SHANK1: variants seen among roughly 807,000 people sequenced by gnomAD.
SHANK1 encodes SH3 and multiple ankyrin repeat domains 1, also known as SH3 and multiple ankyrin repeat domains protein 1.
In SHANK1, 35 loss-of-function variants were observed where a neutral mutation model predicts 165.6. That is an observed-to-expected ratio of 0.21 (90% CI 0.16 to 0.28). The LOEUF (loss-of-function observed/expected upper bound fraction) is 0.28. Among genes scored for constraint, SHANK1 ranks in the 10% least tolerant of loss-of-function variants. The pLI is 1.00. For synonymous variants in SHANK1, 1,428 were observed against 1,384.8 expected, an observed-to-expected ratio of 1.03 and a Z score of -0.69; for missense variants, 2,681 against 3,036.4, an observed-to-expected ratio of 0.88 and a Z score of 2.75.
chr19:50,661,545 G>A lies in SHANK1; in HGVS notation c.*420C>T, dbSNP rs1188109923. On this transcript the variant is annotated 3_prime_UTR_variant, in exon 24 of 24. Coordinates refer to ENST00000293441, the MANE Select transcript of SHANK1 (RefSeq NM_016148.5). ...CTGAGGGGCCTGGAGAGAGTGGGAA[G>A]GGTTGTTAGAGGGGTGGCAGGTGGT... 6.6e-6 allele frequency among the ~76,000 whole-genome samples: 1 copy of A among 151,698 alleles called. No homozygotes were observed. The highest frequency in any genetic ancestry group is 2.4e-5 in the African/African-American group (1 of 41,262).
chr19:50,713,592 G>A lies in SHANK1; in HGVS notation c.792+206C>T, dbSNP rs184102613. ...GAGGCCGTGCCCGGGTCTGTGTGAT[G>A]TCAGCTATAGCCCAGGTGGGTGCAT... On this transcript the variant is annotated intron_variant, in intron 6 of 23. Coordinates refer to ENST00000293441, the MANE Select transcript of SHANK1 (RefSeq NM_016148.5). This position sits in a 1 kb window ranked among gnomAD's most constrained non-coding sequence, Gnocchi z 6.2. Among the ~76,000 whole-genome samples, 1 of 152,196 alleles carries A rather than the reference G, an allele frequency of 6.6e-6. No homozygotes were observed. Among genetic ancestry groups the A allele is most frequent in the East Asian group, 1.9e-4 (1 of 5,174 alleles).
Position 50,667,657 on chromosome 19 carries a change from C to T in SHANK1, c.4303G>A (p.Ala1435Thr). ...GAACGCCGGGCGGCGGGCGGGCTGG[C>T]GGGAAGGGACTTCTCCTGGCTGCCC... ...GLGSQEKSLP[A>T]SPPAARRSLL... The change falls in exon 23 of 24, where the codon GCC (alanine) becomes ACC (threonine). Residue 1435 changes from alanine to threonine, a missense_variant. By Grantham distance (58) the Ala-to-Thr change is moderately conservative (BLOSUM62 0). This residue lies in a region of SHANK1 where 1,713 missense variants were observed against 1,630.2 expected (regional missense o/e 1.05). Transcript: ENST00000293441. The surrounding 1 kb of genome is among the most constrained non-coding windows in gnomAD (Gnocchi z 5.7). The T allele has an allele frequency of 2.1e-6, 3 of 1,399,868 alleles. No homozygotes were observed. The highest frequency in any genetic ancestry group is 2.8e-6 in the Non-Finnish European group (3 of 1,086,452). The allele number at this position is 1,399,868 out of a possible 1,614,324, so 86.7% of individuals were successfully genotyped here. A position where few individuals can be genotyped will look rare whatever the true frequency, so the allele number is the denominator to read the frequency against.
chr19:50,706,031 C>T (rs926947831), intron 8 of SHANK1, among the ~76,000 whole-genome samples: 2 of 152,046 alleles, frequency 1.3e-5, no homozygotes, highest in Non-Finnish European at 2.9e-5. Flanking sequence ...TGGTGGCACA[C>T]GCCTGTAGTC....
intron 8 of SHANK1, among the ~76,000 whole-genome samples, chr19:50,707,881 CTTTTCTTTTCTTT>C (rs2088959306): frequency 7.7e-4 from 2 of 2,596 alleles, no homozygotes; most frequent in African/African-American, 5.7e-3. Flanking sequence ...GCGTGTTTTT[CTTTTCTTTTCTTT>C]TCTTTTCTTT....
intron 8 of SHANK1, among the ~76,000 whole-genome samples, chr19:50,708,892 A>G (rs947493777): frequency 2.0e-5 from 3 of 152,200 alleles, no homozygotes; most frequent in African/African-American, 4.8e-5. Flanking sequence ...TGAGGTGCTC[A>G]CAGCCTAGAC....
Position 50,711,384 on chromosome 19 carries a change from G to T in SHANK1, c.1064C>A (p.Ala355Asp). 1 of 1,555,660 alleles carries T rather than the reference G, an allele frequency of 6.4e-7. No homozygotes were observed. The change falls in exon 8 of 24, where the codon GCC becomes GAC. Residue 355 changes from alanine to aspartate, a missense_variant. This residue lies in a region of SHANK1 where 189 missense variants were observed against 440.9 expected (regional missense o/e 0.43). Transcript: ENST00000293441. ...TGCTAGGCAGACCTTGTTGTAGAGG[G>T]CGCAGATGTGCAGAGCCGTGTTCCC... ...ASGNTALHIC[A>D]LYNKETCARI...
chr19:50,686,292 G>A lies in SHANK1; in HGVS notation c.2522C>T (p.Pro841Leu), dbSNP rs866403402. 6.2e-7 allele frequency: 1 copy of A among 1,607,850 alleles called. No individual in the cohort carries two copies. Among genetic ancestry groups the A allele is most frequent in the Non-Finnish European group, 8.5e-7 (1 of 1,176,706 alleles). Residue 841 changes from proline (P) to leucine (L), a missense_variant, in exon 21 of 24, where the codon CCC becomes CTC. Physicochemically the swap from Pro to Leu is moderately conservative, Grantham distance 98. Around this residue, in one of 10 missense-constraint regions of SHANK1, gnomAD observed 206 missense variants for 216.0 expected, o/e 0.95. Transcript: ENST00000293441. The surrounding 1 kb of genome is among the most constrained non-coding windows in gnomAD (Gnocchi z 5.7). ...QTISASESPG[P>L]GGLASLGKHR... ...TTTGCCCAGGGACGCGAGGCCACCG[G>A]GACCAGGGCTTTCGCTTGCACTGAT...
chr19:50,695,385 G>A (rs1437439901), intron 15 of SHANK1, among the ~76,000 whole-genome samples: 1 of 146,742 alleles, frequency 6.8e-6, no homozygotes, highest in East Asian at 2.0e-4. Flanking sequence ...GGCGTCCTGC[G>A]CCGGGCGGCG....
At chr19:50,684,057 T>C (rs939015285) in intron 21 of SHANK1, among the ~76,000 whole-genome samples, 9 of 152,198 alleles carry the variant, frequency 5.9e-5, no homozygotes, top group Non-Finnish European at 1.2e-4. Context: ...TTCTTTCTGT[T>C]TCTGTACCGC....
chr19:50,712,599 G>A (rs1277080223), intron 6 of SHANK1, among the ~76,000 whole-genome samples: 1 of 152,236 alleles, frequency 6.6e-6, no homozygotes, highest in Non-Finnish European at 1.5e-5. Context: ...GCAAGGATCG[G>A]GCCGGCCTCA....
chr19:50,672,636 A>AAGG (rs1255645251), intron 21 of SHANK1, among the ~76,000 whole-genome samples: 2 of 151,600 alleles, frequency 1.3e-5, no homozygotes, highest in Non-Finnish European at 2.9e-5. Context: ...TCTGGGCAGG[A>AAGG]AGGAGAAAGA....
rs1426483972 is a variant in SHANK1, at chr19:50,662,859, T to C, written c.5769-177A>G. Among the ~76,000 whole-genome samples the C allele has an allele frequency of 1.3e-5, 2 of 148,198 alleles. No homozygotes were observed. Among genetic ancestry groups the C allele is most frequent in the African/African-American group, 5.0e-5 (2 of 39,800 alleles). On this transcript the variant is annotated intron_variant, in intron 23 of 23. Coordinates refer to ENST00000293441, the MANE Select transcript of SHANK1 (RefSeq NM_016148.5). This position sits in a 1 kb window ranked among gnomAD's most constrained non-coding sequence, Gnocchi z 7.7. ...GAGCAAGGGGTAAGACGGCCGGCCG[T>C]CGAGGAAAGAAATGAAGGGAGAGAA...
At chr19:50,675,061 CAAAAAAA>C (rs10560370) in intron 21 of SHANK1, among the ~76,000 whole-genome samples, 13 of 85,702 alleles carry the variant, frequency 1.5e-4, no homozygotes, top group African/African-American at 5.5e-4. Flanking sequence ...CACTCGGTCT[CAAAAAAA>C]AAAAAAAAAA....
intron 21 of SHANK1, among the ~76,000 whole-genome samples, chr19:50,677,594 C>G (rs773806185): frequency 3.9e-5 from 6 of 152,174 alleles, no homozygotes; most frequent in Non-Finnish European, 7.3e-5. Context: ...CACTCTTATA[C>G]CTTGAGAGCC....
Position 50,668,445 on chromosome 19 carries a change from C to T in SHANK1, c.3515G>A (p.Ser1172Asn). The change falls in exon 23 of 24, where the codon AGC becomes AAC. Residue 1172 changes from serine (S) to asparagine (N), a missense_variant. Physicochemically the swap from Ser to Asn is conservative, Grantham distance 46. Around this residue, in one of 10 missense-constraint regions of SHANK1, gnomAD observed 1,713 missense variants for 1,630.2 expected, o/e 1.05. Coordinates refer to ENST00000293441, the MANE Select transcript of SHANK1 (RefSeq NM_016148.5). ...CTCCGCCTCGGTGCTGCTGCCCTGG[C>T]TGCTGCGGCCGCTGCTACTGGTGGA... is the stretch of plus-strand genomic sequence containing the variant. Reference protein sequence around the residue: ...APSTSSSGRSSQGSSTEAEPP... With the variant: ...APSTSSSGRSNQGSSTEAEPP... 1 of 1,335,420 alleles carries T rather than the reference C, an allele frequency of 7.5e-7. No individual in the cohort carries two copies. The allele number at this position is 1,335,420 out of a possible 1,614,324, so 82.7% of individuals were successfully genotyped here. A position where few individuals can be genotyped will look rare whatever the true frequency, so the allele number is the denominator to read the frequency against.
At chr19:50,683,799 C>T (rs189615675) in intron 21 of SHANK1, among the ~76,000 whole-genome samples, 45 of 152,330 alleles carry the variant, frequency 3.0e-4, no homozygotes, top group African/African-American at 9.1e-4. Flanking sequence ...AAAAGCCCTT[C>T]GCGTATTGAT....
chr19:50,672,210 T>G, intron 21 of SHANK1, 96 bp from the exon 22 acceptor site: 1 of 979,788 alleles, frequency 1.0e-6, no homozygotes, highest in Non-Finnish European at 1.5e-6. Context: ...GCTGCCCCCA[T>G]TCCTTCCCTA....
In SHANK1 at chr19:50,668,392, C is replaced by T. The variant is rs751491557; in HGVS notation, c.3568G>A (p.Gly1190Ser). The T allele has an allele frequency of 1.5e-6, 2 of 1,313,018 alleles. No homozygotes were observed. The highest frequency in any genetic ancestry group is 6.3e-5 in the Admixed American group (2 of 31,806). 81.3% of individuals were successfully genotyped at this position (1,313,018 alleles called of 1,614,324 possible). Residue 1190 changes from glycine (G) to serine (S), a missense_variant, in exon 23 of 24, where the codon GGC (glycine) becomes AGC (serine). Gly to Ser is a moderately conservative substitution (Grantham distance 56, BLOSUM62 0). Coordinates refer to ENST00000293441, the MANE Select transcript of SHANK1 (RefSeq NM_016148.5). ...GGCGAGGAGCCGCCGCCGCCGCCGC[C>T]TCCCGTGGGCTCCGGCTGGGTGGGG... ...EPPTQPEPTG[G>S]GGGGGSSPSP...
At chr19:50,710,827 A>G (rs2123195354) in intron 8 of SHANK1, among the ~76,000 whole-genome samples, 1 of 152,166 alleles carries the variant, frequency 6.6e-6, no homozygotes, top group Admixed American at 6.5e-5. Flanking sequence ...TGCACACACC[A>G]CTGGCTGAAT....
Sources: gnomAD v4.1 joint callset for allele counts (sites outside exome capture counted in the v4.1 genomes callset) on GRCh38, gnomAD v4.1.1 for gene constraint, gnomAD v4.1.1 regional missense constraint, Gnocchi (gnomAD v3.1) non-coding constraint, MANE v1.5 for transcripts, NCBI Gene and HGNC (gene_info 2026-07-23, HGNC 2026-07-21) for gene names.